SLIT2: variants seen among roughly 807,000 people sequenced by gnomAD.
The protein encoded by SLIT2 is slit homolog 2 protein.
A neutral mutation model predicts 185.7 loss-of-function variants in SLIT2; 41 were observed. That is an observed-to-expected ratio of 0.22 (90% CI 0.17 to 0.29). The LOEUF (loss-of-function observed/expected upper bound fraction) is 0.29, where lower values mean the gene tolerates loss of function less well. Ranked by LOEUF, SLIT2 falls within the 10% of genes least tolerant of loss-of-function variation. The pLI, the probability that SLIT2 is intolerant of heterozygous loss-of-function variation, is 1.00. For synonymous variants in SLIT2, 693 were observed against 680.2 expected, an observed-to-expected ratio of 1.02 and a Z score of -0.29; for missense variants, 1,571 against 1,909.0, an observed-to-expected ratio of 0.82 and a Z score of 3.30.
chr4:20,505,764 G>A (rs1373613164), intron 9 of SLIT2, among the ~76,000 whole-genome samples: 1 of 151,978 alleles, frequency 6.6e-6, no homozygotes, highest in African/African-American at 2.4e-5. Flanking sequence ...AAAGCAGAGG[G>A]ATATTTCACC....
At chr4:20,439,967 T>C (rs1418229308) in intron 4 of SLIT2, among the ~76,000 whole-genome samples, 1 of 152,192 alleles carries the variant, frequency 6.6e-6, no homozygotes, top group Non-Finnish European at 1.5e-5. Flanking sequence ...TTTTTAATTA[T>C]ATAAAGTTTT....
intron 4 of SLIT2, among the ~76,000 whole-genome samples, chr4:20,308,197 C>G (rs1181793636): frequency 6.6e-6 from 1 of 152,012 alleles, no homozygotes; most frequent in Non-Finnish European, 1.5e-5. Context: ...GGTAGAGATG[C>G]TAGAAAGGCC....
At chr4:20,535,219 A>G (rs1298327080) in intron 18 of SLIT2, among the ~76,000 whole-genome samples, 1 of 151,984 alleles carries the variant, frequency 6.6e-6, no homozygotes, top group Non-Finnish European at 1.5e-5. Context: ...GAATCGCTTG[A>G]TCCCGGGAGG....
chr4:20,598,695 G>A (rs774055095), intron 33 of SLIT2, among the ~76,000 whole-genome samples: 2 of 152,178 alleles, frequency 1.3e-5, no homozygotes, highest in Non-Finnish European at 2.9e-5. Context: ...GGATCAAGAG[G>A]AGGGAGCAGT....
At chr4:20,274,413 T>C (rs17535351) in intron 4 of SLIT2, among the ~76,000 whole-genome samples, 15,979 of 152,210 alleles carry the variant, frequency 0.1, 1,130 homozygotes, top group Middle Eastern at 0.16. Context: ...CAACTCAAAA[T>C]AGCCATTACC....
chr4:20,441,665 G>C (rs1039923813), intron 4 of SLIT2, among the ~76,000 whole-genome samples: 1 of 152,050 alleles, frequency 6.6e-6, no homozygotes, highest in Non-Finnish European at 1.5e-5. Flanking sequence ...TTAAGGCTGT[G>C]ATGGCCCTTG....
intron 32 of SLIT2, 99 bp from the exon 33 acceptor site, chr4:20,598,166 C>T (rs1436511065): frequency 8.9e-7 from 1 of 1,121,302 alleles, no homozygotes; most frequent in African/African-American, 1.6e-5. Context: ...AAAACATAAA[C>T]CATAGTAAAA....
Position 20,488,979 on chromosome 4 carries a change from A to C in SLIT2, c.772A>C (p.Ser258Arg). Reference protein sequence around the residue: ...AEVQKREFVCSGHQSFMAPSC... With the variant: ...AEVQKREFVCRGHQSFMAPSC... ...GGTTCAAAAACGAGAATTTGTCTGC[A>C]GTGGTAAGGGAGAAGGAAGAGTGAT... The change falls in exon 8 of 37, where the codon AGT (serine) becomes CGT (arginine). Residue 258 changes from serine (S) to arginine (R), a missense_variant. Ser to Arg is a moderately radical substitution (Grantham distance 110, BLOSUM62 -1). Transcript: ENST00000504154. The C allele has an allele frequency of 6.8e-6, 11 of 1,610,584 alleles. No individual in the cohort carries two copies. The highest frequency in any genetic ancestry group is 9.3e-6 in the Non-Finnish European group (11 of 1,177,446).
intron 4 of SLIT2, among the ~76,000 whole-genome samples, chr4:20,427,131 G>C (rs1248704108): frequency 6.6e-6 from 1 of 152,170 alleles, no homozygotes; most frequent in African/African-American, 2.4e-5. Flanking sequence ...GCAAAGACAG[G>C]CTTAAAGAAA....
chr4:20,474,716 T>C (rs1051117016), intron 5 of SLIT2, among the ~76,000 whole-genome samples: 1 of 152,094 alleles, frequency 6.6e-6, no homozygotes, highest in African/African-American at 2.4e-5. Context: ...CTCTGAACTC[T>C]TAAAATAGCC....
Position 20,484,913 on chromosome 4 carries a change from C to G in SLIT2, c.540-1287C>G, listed in dbSNP as rs941213607. Among the ~76,000 whole-genome samples, 2 of 152,102 alleles carry G rather than the reference C, an allele frequency of 1.3e-5. No individual in the cohort carries two copies. The highest frequency in any genetic ancestry group is 4.8e-5 in the African/African-American group (2 of 41,430). ...CAAATGTCTGCTTTCTTCCATCTCT[C>G]TTGCCCATCATTGTATATTTTTGCA... On this transcript the variant is annotated intron_variant, in intron 6 of 36. Coordinates refer to ENST00000504154, the MANE Select transcript of SLIT2 (RefSeq NM_004787.4). This position sits in a 1 kb window ranked among gnomAD's most constrained non-coding sequence, Gnocchi z 4.3.
chr4:20,364,401 C>G (rs1033512283), intron 4 of SLIT2: 1 of 322,724 alleles, frequency 3.1e-6, no homozygotes, highest in Non-Finnish European at 4.5e-6. Context: ...GCTGACCTGC[C>G]CATTTTAACA....
At chr4:20,529,573 A>G (rs1577864410) in intron 16 of SLIT2, among the ~76,000 whole-genome samples, 3 of 152,244 alleles carry the variant, frequency 2.0e-5, no homozygotes, top group African/African-American at 7.2e-5. Context: ...GTGGTTATCA[A>G]GTATTAAAGT....
At chr4:20,446,322 T>C (rs1357232323) in intron 4 of SLIT2, among the ~76,000 whole-genome samples, 1 of 152,196 alleles carries the variant, frequency 6.6e-6, no homozygotes, top group African/African-American at 2.4e-5. Context: ...ATCAGCTCAA[T>C]GTGATGTTAT....
chr4:20,576,900 A>G (rs1208191764), intron 29 of SLIT2, among the ~76,000 whole-genome samples: 2 of 152,068 alleles, frequency 1.3e-5, no homozygotes, highest in Non-Finnish European at 2.9e-5. Flanking sequence ...GGAATTGGCT[A>G]TATTATTTAG....
chr4:20,452,304 A>G (rs1198861769), intron 4 of SLIT2, among the ~76,000 whole-genome samples: 1 of 152,166 alleles, frequency 6.6e-6, no homozygotes, highest in Non-Finnish European at 1.5e-5. Flanking sequence ...AAATGTGTTC[A>G]TCTTTCTAAG....
Position 20,618,702 on chromosome 4 carries a change from C to T in SLIT2, c.4349-66C>T, listed in dbSNP as rs563925682. On this transcript the variant is annotated intron_variant, in intron 36 of 36. Transcript: ENST00000504154. ...AGGCTTCTGAATTAAGTTGTGGATT[C>T]ACAGTCACTCTGCATGACTTACAGT... 1.2e-5 allele frequency: 18 copies of T among 1,462,234 alleles called. No individual in the cohort carries two copies. The African/African-American group carries it at 2.4e-4, about 19-fold the overall frequency. 90.6% of individuals were successfully genotyped at this position (1,462,234 alleles called of 1,614,324 possible). A position where few individuals can be genotyped will look rare whatever the true frequency, so the allele number is the denominator to read the frequency against.
intron 4 of SLIT2, among the ~76,000 whole-genome samples, chr4:20,285,602 G>A (rs1033528748): frequency 3.9e-5 from 6 of 152,164 alleles, no homozygotes; most frequent in Non-Finnish European, 8.8e-5. Flanking sequence ...TGCAGGGAGT[G>A]CAGTGGTGTG....
At chr4:20,340,475 C>G (rs1319516317) in intron 4 of SLIT2, among the ~76,000 whole-genome samples, 12 of 152,190 alleles carry the variant, frequency 7.9e-5, no homozygotes, top group African/African-American at 2.9e-4. Flanking sequence ...CCTTGTAGTG[C>G]TACTTCTCTT....
Sources: gnomAD v4.1 joint callset for allele counts (sites outside exome capture counted in the v4.1 genomes callset) on GRCh38, gnomAD v4.1.1 for gene constraint, Gnocchi (gnomAD v3.1) non-coding constraint, MANE v1.5 for transcripts, NCBI Gene and HGNC (gene_info 2026-07-23, HGNC 2026-07-21) for gene names.